The following SBF2 variants were observed in gnomAD, a reference collection of about 807,000 sequenced individuals.
The protein encoded by SBF2 is myotubularin-related protein 13.
In SBF2, 112 loss-of-function variants were observed where a neutral mutation model predicts 225.2. The observed-to-expected ratio is 0.50, with a 90% confidence interval of 0.43 to 0.58. The LOEUF is 0.58. SBF2 is among the 20% of genes least tolerant of loss of function. The probability of loss-of-function intolerance (pLI) is 0.00; values close to 1 mark genes in which losing one functional copy is unlikely to be tolerated. For synonymous variants in SBF2, 763 were observed against 773.3 expected (o/e 0.99, Z 0.22); for missense variants, 1,996 against 2,206.2 (o/e 0.90, Z 1.91).
intron 2 of SBF2, chr11:10,149,429 T>A (rs937907505): frequency 7.2e-5 from 11 of 152,310 alleles, no homozygotes; most frequent in Middle Eastern, 3.4e-3. Context: ...CAAACAATAG[T>A]TTCCTAAACT....
rs1003152365 is a variant in SBF2, at chr11:10,093,395, A to C, written c.142-50414T>G. Among the ~76,000 whole-genome samples the C allele has an allele frequency of 6.9e-5, 10 of 145,214 alleles. No individual in the cohort carries two copies. In the South Asian group the frequency reaches 2.2e-3, roughly 32 times the overall value. On this transcript the variant is annotated intron_variant, in intron 2 of 39. Coordinates refer to ENST00000256190, the MANE Select transcript of SBF2 (RefSeq NM_030962.4). The stretch of plus-strand genomic sequence containing the variant: ...AGTGGTCAGCTGGAAAAAAAAAAAA[A>C]ACAAAAAAAAATTTCTTCCAATCTT...
intron 2 of SBF2, among the ~76,000 whole-genome samples, chr11:10,054,279 G>T (rs1950170810): frequency 6.6e-6 from 1 of 152,114 alleles, no homozygotes; most frequent in Admixed American, 6.5e-5. Flanking sequence ...CATACAAACT[G>T]ACTAAACACT....
At chr11:9,901,091 T>C (rs1398679576) in intron 16 of SBF2, among the ~76,000 whole-genome samples, 7 of 152,184 alleles carry the variant, frequency 4.6e-5, no homozygotes, top group African/African-American at 1.7e-4. Flanking sequence ...GTTGTTTTCA[T>C]AATCTGAAAG....
intron 6 of SBF2, 111 bp downstream of exon 6, chr11:10,028,341 A>T: frequency 1.3e-6 from 1 of 741,888 alleles, no homozygotes; most frequent in Non-Finnish European, 2.4e-6. Flanking sequence ...TAAAATATTT[A>T]ATGGTTTAAA....
intron 13 of SBF2, among the ~76,000 whole-genome samples, chr11:9,971,073 C>G (rs576416079): frequency 1.1e-3 from 172 of 152,154 alleles, no homozygotes; most frequent in Non-Finnish European, 2.0e-3. Flanking sequence ...TTCTCTAAAA[C>G]ATATTGGGTA....
At chr11:9,853,224 A>G (rs1465794319) in intron 20 of SBF2, among the ~76,000 whole-genome samples, 1 of 152,256 alleles carries the variant, frequency 6.6e-6, no homozygotes, top group Non-Finnish European at 1.5e-5. Context: ...GACAGAAAAT[A>G]CATTAGAAGT....
chr11:10,124,937 T>G (rs920555190), intron 2 of SBF2, among the ~76,000 whole-genome samples: 11 of 151,842 alleles, frequency 7.2e-5, no homozygotes, highest in Non-Finnish European at 1.6e-4. Flanking sequence ...AAACCCCGTC[T>G]CTACTAAAAG....
chr11:10,242,092 G>A (rs1250781050), intron 1 of SBF2, among the ~76,000 whole-genome samples: 1 of 151,624 alleles, frequency 6.6e-6, no homozygotes, highest in Non-Finnish European at 1.5e-5. Context: ...TAGGTCCACT[G>A]GTGTCTATGG....
chr11:10,196,866 A>ATATATATTTTTTTTTTTT, intron 1 of SBF2, among the ~76,000 whole-genome samples: 1 of 99,316 alleles, frequency 1.0e-5, no homozygotes, highest in South Asian at 3.5e-4. Context: ...ATATATATAT[A>ATATATATTTTTTTTTTTT]TTTTTTTTTT....
At chr11:10,194,895 G>GGGA (rs1185019360) in intron 1 of SBF2, among the ~76,000 whole-genome samples, 3 of 152,132 alleles carry the variant, frequency 2.0e-5, no homozygotes, top group African/African-American at 4.8e-5. Context: ...ACCACGTTAT[G>GGGA]GGAGTAACTG....
At chr11:10,018,783 G>A (rs908493011) in intron 6 of SBF2, among the ~76,000 whole-genome samples, 2 of 151,958 alleles carry the variant, frequency 1.3e-5, no homozygotes, top group African/African-American at 4.8e-5. Context: ...TTTTTACAAC[G>A]GTTTCTTTAT....
chr11:9,967,900 G>T (rs1006690581), intron 14 of SBF2, among the ~76,000 whole-genome samples: 1 of 148,600 alleles, frequency 6.7e-6, no homozygotes, highest in African/African-American at 2.5e-5. Context: ...GGGCAACAAG[G>T]GTGAAACTCA....
At chr11:9,853,104 C>A (rs896394309) in intron 20 of SBF2, among the ~76,000 whole-genome samples, 5 of 152,192 alleles carry the variant, frequency 3.3e-5, no homozygotes, top group Admixed American at 3.3e-4. Context: ...CATGCCACAA[C>A]ACGTATGAAC....
chr11:9,959,711 C>A (rs1418462587), intron 16 of SBF2: 7 of 700,022 alleles, frequency 1.0e-5, no homozygotes, highest in South Asian at 9.5e-5. Flanking sequence ...ATGGCCTGGA[C>A]TTTCTCACCC....
chr11:10,231,905 G>A (rs1436581917), intron 1 of SBF2, among the ~76,000 whole-genome samples: 2 of 152,380 alleles, frequency 1.3e-5, no homozygotes, highest in East Asian at 3.9e-4. Context: ...TGCCCCCAGA[G>A]GTGGAGCCTA....
intron 1 of SBF2, among the ~76,000 whole-genome samples, chr11:10,266,497 G>A (rs1160218062): frequency 2.0e-5 from 3 of 152,180 alleles, no homozygotes; most frequent in African/African-American, 7.2e-5. Context: ...GAGACATTCT[G>A]AGTATGAAGT....
intron 6 of SBF2, among the ~76,000 whole-genome samples, chr11:10,008,477 G>A (rs1305170540): frequency 6.6e-6 from 1 of 152,230 alleles, no homozygotes; most frequent in Non-Finnish European, 1.5e-5. Flanking sequence ...CCAGAAGGAA[G>A]AAGAAAGGGC....
At chr11:9,915,642 GA>G (rs1863022629) in intron 16 of SBF2, 2 of 151,786 alleles carry the variant, frequency 1.3e-5, no homozygotes. Flanking sequence ...GTTCCTGTGA[GA>G]AAAAAGGAAA....
At chr11:10,209,595 A>G (rs1957863183) in intron 1 of SBF2, among the ~76,000 whole-genome samples, 1 of 152,010 alleles carries the variant, frequency 6.6e-6, no homozygotes, top group Non-Finnish European at 1.5e-5. Flanking sequence ...CAAGCTCCCA[A>G]TGCTGTTTGT....
Sources: allele counts gnomAD v4.1 joint callset (sites outside exome capture counted in the v4.1 genomes callset), GRCh38; gene constraint gnomAD v4.1.1; transcripts MANE v1.5; gene names NCBI Gene and HGNC (gene_info 2026-07-23, HGNC 2026-07-21).